The following CDH4 variants were observed in gnomAD, a reference collection of about 807,000 sequenced individuals.
The protein encoded by CDH4 is cadherin 4.
Under a neutral mutation model 86.0 loss-of-function variants are expected in CDH4, and 33 were observed. The ratio of observed to expected loss-of-function variants is 0.38; its 90% CI spans 0.29 to 0.51. The LOEUF (loss-of-function observed/expected upper bound fraction) is 0.51, where lower values mean the gene tolerates loss of function less well. Among genes scored for constraint, CDH4 ranks in the 20% least tolerant of loss-of-function variants. The pLI, the probability that CDH4 is intolerant of heterozygous loss-of-function variation, is 0.86. For synonymous variants in CDH4, 555 were observed against 549.4 expected (o/e 1.01, Z -0.14); for missense variants, 1,114 against 1,307.4 (o/e 0.85, Z 2.28).
At chr20:61,636,753 C>T (rs2086951204) in intron 2 of CDH4, among the ~76,000 whole-genome samples, 1 of 152,228 alleles carries the variant, frequency 6.6e-6, no homozygotes. Flanking sequence ...CTGAGTCGCT[C>T]CGTCACTGTG....
chr20:61,743,311 G>A (rs952211917), intron 2 of CDH4, among the ~76,000 whole-genome samples: 2 of 152,244 alleles, frequency 1.3e-5, no homozygotes, highest in Admixed American at 6.5e-5. Context: ...GCAGAAGGGA[G>A]TGCAGCTGTG....
intron 2 of CDH4, among the ~76,000 whole-genome samples, chr20:61,565,872 G>A (rs1297389585): frequency 6.6e-6 from 1 of 152,210 alleles, no homozygotes; most frequent in Non-Finnish European, 1.5e-5. Flanking sequence ...TGCCGGGGTT[G>A]CTCAGCTGCC....
At position 61,518,375 on chromosome 20, in the gene CDH4, G is replaced by T. The variant is rs766769004; in HGVS notation, c.170-225188G>T. On this transcript the variant is annotated intron_variant, in intron 2 of 15. Transcript: ENST00000614565. This position sits in a 1 kb window ranked among gnomAD's most constrained non-coding sequence, Gnocchi z 6.3. The stretch of plus-strand genomic sequence containing the variant: ...AAAGGAAAGGTACGTTATCAGATAG[G>T]CTGGAATTTGGCCAAATTCTCTGTT... 6.6e-6 allele frequency among the ~76,000 whole-genome samples: 1 copy of T among 152,100 alleles called. No individual in the cohort carries two copies. Among genetic ancestry groups the T allele is most frequent in the Non-Finnish European group, 1.5e-5 (1 of 68,016 alleles).
chr20:61,592,698 G>A (rs772213855), intron 2 of CDH4, among the ~76,000 whole-genome samples: 30 of 152,028 alleles, frequency 2.0e-4, no homozygotes, highest in Admixed American at 9.8e-4. Context: ...TTGCCTTTTC[G>A]GGATACCCTA....
At chr20:61,429,889 G>A (rs1292620467) in intron 2 of CDH4, among the ~76,000 whole-genome samples, 1 of 152,132 alleles carries the variant, frequency 6.6e-6, no homozygotes, top group Non-Finnish European at 1.5e-5. Flanking sequence ...TACATCTGTA[G>A]CCTTCCTCTG....
At chr20:61,526,258 G>A (rs569455582) in intron 2 of CDH4, among the ~76,000 whole-genome samples, 6 of 151,836 alleles carry the variant, frequency 4.0e-5, no homozygotes, top group East Asian at 3.9e-4. Context: ...GGATAAACAC[G>A]ACCCGCCTGG....
At chr20:61,634,373 T>C (rs577573437) in intron 2 of CDH4, among the ~76,000 whole-genome samples, 1 of 152,184 alleles carries the variant, frequency 6.6e-6, no homozygotes, top group East Asian at 1.9e-4. Context: ...GAGCTCGGGG[T>C]AGGTGCCTAA....
chr20:61,307,422 C>T lies in CDH4; in HGVS notation c.169+52485C>T, dbSNP rs546730541. On this transcript the variant is annotated intron_variant, in intron 2 of 15. Transcript: ENST00000614565. ...CTCAGCACCTGCATGCTCCAACACA[C>T]GTTGCATGTGTCAGGCACTCAGCAC... Among the ~76,000 whole-genome samples the T allele has an allele frequency of 1.8e-4, 27 of 152,328 alleles. No individual in the cohort carries two copies. The South Asian group carries it at 5.4e-3, about 30-fold the overall frequency.
At chr20:61,680,604 C>T (rs541947143) in intron 2 of CDH4, among the ~76,000 whole-genome samples, 1 of 152,286 alleles carries the variant, frequency 6.6e-6, no homozygotes, top group South Asian at 2.1e-4. Flanking sequence ...CGAGCATCCC[C>T]CGAGGATAGA....
Position 61,642,156 on chromosome 20 carries a change from T to A in CDH4, c.170-101407T>A, listed in dbSNP as rs189118353. On this transcript the variant is annotated intron_variant, in intron 2 of 15. Transcript: ENST00000614565. ...TTCTTTTAAAATCAGAAAGAAAAAA[T>A]GAGTATGGTCTAGCCCAGGTTGTAG... Among the ~76,000 whole-genome samples, 400 of 152,252 alleles carry A rather than the reference T, an allele frequency of 2.6e-3. 3 individuals carry two copies. The highest frequency in any genetic ancestry group is 8.2e-3 in the African/African-American group (341 of 41,550).
intron 2 of CDH4, among the ~76,000 whole-genome samples, chr20:61,654,957 C>T (rs1187339617): frequency 7.4e-6 from 1 of 134,562 alleles, no homozygotes; most frequent in African/African-American, 2.6e-5. Context: ...ACACGGGGGC[C>T]TGAGCCCATG....
chr20:61,727,175 G>T (rs1321178384), intron 2 of CDH4, among the ~76,000 whole-genome samples: 1 of 147,072 alleles, frequency 6.8e-6, no homozygotes, highest in Non-Finnish European at 1.5e-5. Context: ...ATCAACACTG[G>T]AGCCATCATC....
At position 61,902,468 on chromosome 20, in the gene CDH4, G is replaced by A. The variant is rs575910521; in HGVS notation, c.1188+7421G>A. Among the ~76,000 whole-genome samples the A allele has an allele frequency of 6.0e-4, 91 of 152,356 alleles. No homozygotes were observed. The highest frequency in any genetic ancestry group is 3.4e-3 in the Middle Eastern group (1 of 294). ...AGGGCAGATCCACAGAGGAGCGTGC[G>A]GGGCCCCACCTTCCCAGGGATTTGC... is the stretch of plus-strand genomic sequence containing the variant. On this transcript the variant is annotated intron_variant, in intron 8 of 15. Coordinates refer to ENST00000614565, the MANE Select transcript of CDH4 (RefSeq NM_001794.5). This position sits in a 1 kb window ranked among gnomAD's most constrained non-coding sequence, Gnocchi z 4.6.
intron 2 of CDH4, among the ~76,000 whole-genome samples, chr20:61,473,007 T>C (rs528617570): frequency 6.6e-6 from 1 of 152,236 alleles, no homozygotes; most frequent in Admixed American, 6.5e-5. Flanking sequence ...GGCTGTACTC[T>C]GGTGGGGCAG....
At chr20:61,611,516 C>T (rs1247125776) in intron 2 of CDH4, among the ~76,000 whole-genome samples, 1 of 151,972 alleles carries the variant, frequency 6.6e-6, no homozygotes, top group Non-Finnish European at 1.5e-5. Context: ...GGGCAAGGCT[C>T]CCTCTGGCTT....
At chr20:61,670,781 G>A (rs1002011651) in intron 2 of CDH4, among the ~76,000 whole-genome samples, 1 of 152,186 alleles carries the variant, frequency 6.6e-6, no homozygotes, top group Non-Finnish European at 1.5e-5. Context: ...GGAAATGTGG[G>A]GAAGTCTGGG....
intron 2 of CDH4, among the ~76,000 whole-genome samples, chr20:61,680,002 C>T (rs983654425): frequency 6.6e-6 from 1 of 152,146 alleles, no homozygotes; most frequent in Non-Finnish European, 1.5e-5. Context: ...GCTTGCAGCC[C>T]CCAGGAAGCT....
rs546123992 is a variant in CDH4 at position 61,434,412 on chromosome 20, G to A, written c.169+179475G>A. Reference sequence around the variant, plus strand: ...AAAGACGTCTCAAGGGATGAACGTGGGTGATTTGTGGAACACTGCGATGCA... The same window carrying A: ...AAAGACGTCTCAAGGGATGAACGTGAGTGATTTGTGGAACACTGCGATGCA... On this transcript the variant is annotated intron_variant, in intron 2 of 15. Transcript: ENST00000614565. Among the ~76,000 whole-genome samples the A allele has an allele frequency of 5.9e-5, 9 of 152,270 alleles. No homozygotes were observed. The South Asian group carries it at 1.9e-3, about 32-fold the overall frequency.
Position 61,879,983 on chromosome 20 carries a change from G to A in CDH4, c.1050+6083G>A, listed in dbSNP as rs1984209346. 6.6e-6 allele frequency among the ~76,000 whole-genome samples: 1 copy of A among 152,106 alleles called. No individual in the cohort carries two copies. The highest frequency in any genetic ancestry group is 6.5e-5 in the Admixed American group (1 of 15,274). The stretch of plus-strand genomic sequence containing the variant: ...GATCTCCTGGTCTGAAAGGATTCTG[G>A]GGAAAGCAAAACCCACACCTCCCCG... On this transcript the variant is annotated intron_variant, in intron 7 of 15. Coordinates refer to ENST00000614565, the MANE Select transcript of CDH4 (RefSeq NM_001794.5). The surrounding 1 kb of genome is among the most constrained non-coding windows in gnomAD (Gnocchi z 4.1).
Sources: allele counts gnomAD v4.1 joint callset (sites outside exome capture counted in the v4.1 genomes callset), GRCh38; gene constraint gnomAD v4.1.1; non-coding constraint Gnocchi (gnomAD v3.1); transcripts MANE v1.5; gene names NCBI Gene and HGNC (gene_info 2026-07-23, HGNC 2026-07-21).